The following THADA variants were observed in gnomAD, a reference collection of about 807,000 sequenced individuals.
The protein encoded by THADA is THADA armadillo repeat containing, also known as tRNA (32-2'-O)-methyltransferase regulator THADA.
In THADA, 213 loss-of-function variants were observed where a neutral mutation model predicts 219.8. The ratio of observed to expected loss-of-function variants is 0.97; its 90% CI spans 0.87 to 1.09. The LOEUF is 1.09. Among genes scored for constraint, THADA ranks in the 50% least tolerant of loss-of-function variants. The probability of loss-of-function intolerance (pLI) is 0.00; values close to 1 mark genes in which losing one functional copy is unlikely to be tolerated. For missense variants in THADA, 2,956 were observed against 2,311.3 expected, an observed-to-expected ratio of 1.28 and a Z score of -5.72; for synonymous variants, 1,018 against 828.9, an observed-to-expected ratio of 1.23 and a Z score of -3.92.
chr2:43,367,281 A>G (rs1012481861), intron 29 of THADA, among the ~76,000 whole-genome samples: 3 of 152,242 alleles, frequency 2.0e-5, no homozygotes, highest in African/African-American at 7.2e-5. Context: ...ACCACACAAC[A>G]TTACTAAACT....
chr2:43,586,944 G>A lies in THADA; in HGVS notation c.361C>T (p.Arg121Cys), dbSNP rs1483742220. The stretch of plus-strand genomic sequence containing the variant: ...GTAGTATTCAATTCTTCCTGAAGAC[G>A]AGAAGTAAAACGGTGCATAGCCTCA... Reference protein sequence around the residue: ...LPEAMHRFTSRLQEELNTTDL... With the variant: ...LPEAMHRFTSCLQEELNTTDL... Residue 121 changes from arginine to cysteine, a missense_variant, in exon 5 of 38, where the codon CGT (arginine) becomes TGT (cysteine). Transcript: ENST00000405975. 1.9e-5 allele frequency: 30 copies of A among 1,613,590 alleles called. No homozygotes were observed. Among genetic ancestry groups the A allele is most frequent in the Non-Finnish European group, 2.4e-5 (28 of 1,179,804 alleles).
intron 31 of THADA, among the ~76,000 whole-genome samples, chr2:43,312,495 T>C (rs1467560960): frequency 1.3e-5 from 2 of 152,180 alleles, no homozygotes; most frequent in Non-Finnish European, 2.9e-5. Context: ...TGGGCCTCTG[T>C]ACTCAGCGCA....
chr2:43,355,352 C>G (rs1298703867), intron 29 of THADA, among the ~76,000 whole-genome samples: 2 of 152,180 alleles, frequency 1.3e-5, no homozygotes, highest in Non-Finnish European at 2.9e-5. Flanking sequence ...TTCCCACCAA[C>G]AGTGTACAAA....
At chr2:43,401,568 A>G (rs1297776782) in intron 28 of THADA, among the ~76,000 whole-genome samples, 3 of 152,206 alleles carry the variant, frequency 2.0e-5, no homozygotes, top group Non-Finnish European at 4.4e-5. Flanking sequence ...GTGAGCCACC[A>G]TGCCCAGCTG....
intron 26 of THADA, among the ~76,000 whole-genome samples, chr2:43,433,397 T>C (rs927515764): frequency 6.6e-6 from 1 of 151,764 alleles, no homozygotes; most frequent in Non-Finnish European, 1.5e-5. Context: ...GGTGTGGCGG[T>C]GCATGCCTGT....
chr2:43,497,803 T>C (rs754720945), intron 25 of THADA, among the ~76,000 whole-genome samples: 9 of 152,114 alleles, frequency 5.9e-5, no homozygotes, highest in Non-Finnish European at 8.8e-5. Context: ...AAGAATCACT[T>C]GAACCCAGGA....
chr2:43,453,532 G>A (rs1267210176), intron 26 of THADA, among the ~76,000 whole-genome samples: 1 of 152,088 alleles, frequency 6.6e-6, no homozygotes, highest in South Asian at 2.1e-4. Flanking sequence ...TGGCTCCTGG[G>A]GCTGGCAGCA....
chr2:43,525,418 G>A (rs1046543108), intron 22 of THADA, among the ~76,000 whole-genome samples: 19 of 152,168 alleles, frequency 1.2e-4, no homozygotes. Flanking sequence ...TGTGACTAAA[G>A]CAATGCAATG....
At chr2:43,350,755 A>G (rs754279478) in intron 29 of THADA, among the ~76,000 whole-genome samples, 6 of 152,218 alleles carry the variant, frequency 3.9e-5, no homozygotes, top group Non-Finnish European at 8.8e-5. Context: ...CTAGAGGGCC[A>G]GCCAGGAAGC....
chr2:43,357,022 GC>G (rs1668940713), intron 29 of THADA, among the ~76,000 whole-genome samples: 1 of 152,204 alleles, frequency 6.6e-6, no homozygotes, highest in Non-Finnish European at 1.5e-5. Context: ...ATTACTTTGT[GC>G]TAGTAATTCA....
intron 20 of THADA, 135 bp downstream of exon 20, chr2:43,549,075 A>G: frequency 1.1e-6 from 1 of 884,496 alleles, no homozygotes. Flanking sequence ...CCAAAACAAA[A>G]TTTTTAAAAA....
At chr2:43,328,551 C>T (rs1339188185) in intron 30 of THADA, among the ~76,000 whole-genome samples, 1 of 152,242 alleles carries the variant, frequency 6.6e-6, no homozygotes, top group Admixed American at 6.5e-5. Flanking sequence ...GGAATTCTTA[C>T]TGAGCTACCA....
intron 29 of THADA, among the ~76,000 whole-genome samples, chr2:43,388,924 T>C (rs1034907194): frequency 3.9e-5 from 6 of 152,184 alleles, no homozygotes; most frequent in Non-Finnish European, 8.8e-5. Context: ...TTCTTACATT[T>C]TTAATCATAA....
At chr2:43,556,991 G>A (rs1697438536) in intron 16 of THADA, among the ~76,000 whole-genome samples, 1 of 152,202 alleles carries the variant, frequency 6.6e-6, no homozygotes, top group Admixed American at 6.5e-5. Flanking sequence ...GCTGAGAGGT[G>A]AGGATCACTC....
intron 22 of THADA, among the ~76,000 whole-genome samples, chr2:43,510,602 G>C (rs1376514105): frequency 6.7e-6 from 1 of 148,538 alleles, no homozygotes; most frequent in Non-Finnish European, 1.5e-5. Flanking sequence ...ATTCCTAAGA[G>C]TAATTACTTA....
At position 43,483,560 on chromosome 2, in the gene THADA, C is replaced by T. The variant is rs113460635; in HGVS notation, c.3836+1674G>A. ...GTTAAAAACTTCTCATTCCTATTTC[C>T]TTTTTTCTAGAAATCTTATATATTT... On this transcript the variant is annotated intron_variant, in intron 26 of 37. Transcript: ENST00000405975. Among the ~76,000 whole-genome samples, 36 of 152,170 alleles carry T rather than the reference C, an allele frequency of 2.4e-4. 1 individual carries two copies. The highest frequency in any genetic ancestry group is 8.7e-4 in the African/African-American group (36 of 41,556).
chr2:43,344,855 T>C (rs1667464439), intron 29 of THADA, among the ~76,000 whole-genome samples: 1 of 152,186 alleles, frequency 6.6e-6, no homozygotes, highest in Non-Finnish European at 1.5e-5. Flanking sequence ...GATACTCGTG[T>C]ATATGCATGT....
At chr2:43,511,084 T>G (rs1410090849) in intron 22 of THADA, among the ~76,000 whole-genome samples, 1 of 152,128 alleles carries the variant, frequency 6.6e-6, no homozygotes, top group African/African-American at 2.4e-5. Flanking sequence ...AAAGAGTACT[T>G]GATCTAATAT....
At chr2:43,241,180 C>A (rs1668583473) in intron 36 of THADA, among the ~76,000 whole-genome samples, 1 of 152,094 alleles carries the variant, frequency 6.6e-6, no homozygotes, top group Non-Finnish European at 1.5e-5. Flanking sequence ...CAGCGACCTC[C>A]CAGGCTCAAG....
Sources: gnomAD v4.1 joint callset for allele counts (sites outside exome capture counted in the v4.1 genomes callset) on GRCh38, gnomAD v4.1.1 for gene constraint, MANE v1.5 for transcripts, NCBI Gene and HGNC (gene_info 2026-07-23, HGNC 2026-07-21) for gene names.